OPRM1: variants seen among roughly 807,000 people sequenced by gnomAD.
OPRM1 encodes mu-type opioid receptor.
A neutral mutation model predicts 31.8 loss-of-function variants in OPRM1; 27 were observed. That is an observed-to-expected ratio of 0.85 (90% CI 0.63 to 1.17). The LOEUF (loss-of-function observed/expected upper bound fraction) is 1.17, where lower values mean the gene tolerates loss of function less well. Ranked by LOEUF, OPRM1 falls within the 50% of genes most tolerant of loss-of-function variation. The pLI, the probability that OPRM1 is intolerant of heterozygous loss-of-function variation, is 0.00. For synonymous variants in OPRM1, 196 were observed against 189.9 expected (o/e 1.03, Z -0.26); for missense variants, 536 against 511.1 (o/e 1.05, Z -0.47).
Position 154,039,380 on chromosome 6 carries a change from C to T in OPRM1, c.-165C>T. 6.5e-7 allele frequency: 1 copy of T among 1,545,270 alleles called. No homozygotes were observed. The highest frequency in any genetic ancestry group is 8.7e-7 in the Non-Finnish European group (1 of 1,143,024). On this transcript the variant is annotated 5_prime_UTR_variant, in exon 1 of 4. Transcript: ENST00000330432. ...GAGAATGTCAGATGCTCAGCTCGGT[C>T]CCCTCCGCCTGACGCTCCTCTCTGT... is the stretch of plus-strand genomic sequence containing the variant.
chr6:154,233,936 C>T (rs1173163592), intron 3 of OPRM1, among the ~76,000 whole-genome samples: 1 of 152,168 alleles, frequency 6.6e-6, no homozygotes, highest in African/African-American at 2.4e-5. Flanking sequence ...AGGCCGGACG[C>T]CGTGGCTCAC....
At chr6:154,085,888 C>CTTTTTTT (rs779654564) in intron 1 of OPRM1, among the ~76,000 whole-genome samples, 40 of 123,934 alleles carry the variant, frequency 3.2e-4, no homozygotes, top group African/African-American at 8.9e-4. Context: ...AAAGCTTGCC[C>CTTTTTTT]TTTTTTTTTT....
At position 154,128,481 on chromosome 6, in the gene OPRM1, C is replaced by T. The variant is rs939581269; in HGVS notation, c.*9760C>T. Among the ~76,000 whole-genome samples, 2 of 152,160 alleles carry T rather than the reference C, an allele frequency of 1.3e-5. No homozygotes were observed. The highest frequency in any genetic ancestry group is 2.9e-5 in the Non-Finnish European group (2 of 68,032). ...GTGAAGTCTAAGAACTGGGACAGTCCGTTGAGGATCCTTGTGCCAGGATGT... is the reference window on the plus strand; with the variant it reads ...GTGAAGTCTAAGAACTGGGACAGTCTGTTGAGGATCCTTGTGCCAGGATGT... On this transcript the variant is annotated 3_prime_UTR_variant, in exon 4 of 4. Transcript: ENST00000330432.
chr6:154,053,693 C>T (rs544667144), intron 1 of OPRM1, among the ~76,000 whole-genome samples: 1 of 152,328 alleles, frequency 6.6e-6, no homozygotes, highest in Non-Finnish European at 1.5e-5. Context: ...CCCCATCCAT[C>T]CATATCTAAA....
chr6:154,187,461 T>A (rs1801488104), intron 3 of OPRM1, among the ~76,000 whole-genome samples: 1 of 152,212 alleles, frequency 6.6e-6, no homozygotes, highest in African/African-American at 2.4e-5. Context: ...AAAAAGCACT[T>A]GACAAATATT....
At chr6:154,100,125 T>TA (rs1562472436) in intron 3 of OPRM1, among the ~76,000 whole-genome samples, 1 of 33,874 alleles carries the variant, frequency 3.0e-5, no homozygotes, top group Admixed American at 3.9e-4. Context: ...TATTATCATA[T>TA]TATGACATAT....
chr6:154,241,096 C>T (rs1238870461), intron 3 of OPRM1, among the ~76,000 whole-genome samples: 4 of 151,848 alleles, frequency 2.6e-5, no homozygotes. Context: ...CTTAGCTGGG[C>T]GTGGTGGTGC....
intron 3 of OPRM1, among the ~76,000 whole-genome samples, chr6:154,221,732 G>A (rs536268506): frequency 6.6e-6 from 1 of 152,150 alleles, no homozygotes; most frequent in East Asian, 1.9e-4. Flanking sequence ...AAATTAGCCG[G>A]GCATGGTGGC....
intron 1 of OPRM1, among the ~76,000 whole-genome samples, chr6:154,081,729 A>G (rs993214453): frequency 5.9e-5 from 9 of 152,168 alleles, no homozygotes; most frequent in African/African-American, 2.2e-4. Flanking sequence ...TCTGGGACCC[A>G]TTGCTTACAA....
At chr6:154,093,505 T>A in intron 3 of OPRM1, 3 of 1,600,972 alleles carry the variant, frequency 1.9e-6, no homozygotes, top group Non-Finnish European at 2.6e-6. Flanking sequence ...ATTCGGCATT[T>A]TCACATCAGT....
intron 3 of OPRM1, among the ~76,000 whole-genome samples, chr6:154,213,993 T>C (rs1487064541): frequency 1.3e-5 from 2 of 152,208 alleles, no homozygotes; most frequent in African/African-American, 4.8e-5. Flanking sequence ...TGCCGGAGTG[T>C]GGGTGAAGTG....
chr6:154,160,812 A>G (rs1355910099), intron 3 of OPRM1, among the ~76,000 whole-genome samples: 1 of 152,214 alleles, frequency 6.6e-6, no homozygotes, highest in Non-Finnish European at 1.5e-5. Context: ...TCCCATGACC[A>G]TAATCCTAAG....
At position 154,123,332 on chromosome 6, in the gene OPRM1, AC is replaced by A. The variant is rs1274818297; in HGVS notation, c.*4612del. 6.6e-6 allele frequency among the ~76,000 whole-genome samples: 1 copy of A among 152,194 alleles called. No homozygotes were observed. Among genetic ancestry groups the A allele is most frequent in the Non-Finnish European group, 1.5e-5 (1 of 68,036 alleles). On this transcript the variant is annotated 3_prime_UTR_variant, in exon 4 of 4. Coordinates refer to ENST00000330432, the MANE Select transcript of OPRM1 (RefSeq NM_000914.5). ...GGAGGAAACTTTTTCCTGGGAGCCC[AC>A]TAATCACACAGTGAACAAAAGGCTT...
chr6:154,060,456 G>A (rs1414974773), intron 1 of OPRM1, among the ~76,000 whole-genome samples: 1 of 152,178 alleles, frequency 6.6e-6, no homozygotes, highest in Non-Finnish European at 1.5e-5. Context: ...CTTATGAAAA[G>A]TATGGAAACC....
intron 3 of OPRM1, among the ~76,000 whole-genome samples, chr6:154,153,153 C>T (rs1183126929): frequency 6.6e-6 from 1 of 152,130 alleles, no homozygotes; most frequent in Non-Finnish European, 1.5e-5. Flanking sequence ...TGAAAAAGGA[C>T]TTTCATGCTT....
Position 154,064,629 on chromosome 6 carries a change from A to G in OPRM1, c.290+24795A>G, listed in dbSNP as rs1257918100. On this transcript the variant is annotated intron_variant, in intron 1 of 3. Coordinates refer to ENST00000330432, the MANE Select transcript of OPRM1 (RefSeq NM_000914.5). ...AGGGTTGTATAATTTTAGCTTTTATATTTAGGTCTTTGATCCATCTTGAGT... is the reference window on the plus strand; with the variant it reads ...AGGGTTGTATAATTTTAGCTTTTATGTTTAGGTCTTTGATCCATCTTGAGT... Among the ~76,000 whole-genome samples the G allele has an allele frequency of 3.3e-5, 5 of 152,046 alleles. No individual in the cohort carries two copies. The East Asian group carries it at 9.6e-4, about 29-fold the overall frequency.
intron 3 of OPRM1, among the ~76,000 whole-genome samples, chr6:154,245,727 T>A (rs899132260): frequency 2.0e-5 from 3 of 152,166 alleles, no homozygotes; most frequent in African/African-American, 7.2e-5. Context: ...TTCACAGTAC[T>A]ACAAAGGGAC....
intron 1 of OPRM1, among the ~76,000 whole-genome samples, chr6:154,018,082 C>T (rs1463255008): frequency 2.6e-5 from 4 of 152,086 alleles, no homozygotes; most frequent in East Asian, 3.9e-4. Context: ...CATGCAGCTG[C>T]GGGCACTCAG....
rs1174524217 is a variant in OPRM1, at chr6:154,149,611, TG to T, written c.1164+58140del. The stretch of plus-strand genomic sequence containing the variant: ...CCATTCTGGATCGTGTGTGTGTGTG[TG>T]TGTGTGTGCGCGCGTGTGTGTGTAG... On this transcript the variant is annotated intron_variant, in intron 3 of 3. Transcript: ENST00000337049. Among the ~76,000 whole-genome samples the T allele has an allele frequency of 6.2e-4, 93 of 150,866 alleles. 4 individuals carry two copies. In the South Asian group the frequency reaches 9.8e-3, roughly 16 times the overall value.
Sources: gnomAD v4.1 joint callset for allele counts (sites outside exome capture counted in the v4.1 genomes callset) on GRCh38, gnomAD v4.1.1 for gene constraint, MANE v1.5 for transcripts, NCBI Gene and HGNC (gene_info 2026-07-23, HGNC 2026-07-21) for gene names.